The following SEMA3C variants were observed in gnomAD, a reference collection of about 807,000 sequenced individuals.
The protein encoded by SEMA3C is semaphorin-3C.
In SEMA3C, 47 loss-of-function variants were observed where a neutral mutation model predicts 89.4. That is an observed-to-expected ratio of 0.53 (90% CI 0.42 to 0.67). The LOEUF (loss-of-function observed/expected upper bound fraction) is 0.67, where lower values mean the gene tolerates loss of function less well. Among genes scored for constraint, SEMA3C ranks in the 30% least tolerant of loss-of-function variants. The probability of loss-of-function intolerance (pLI) is 0.00; values close to 1 mark genes in which losing one functional copy is unlikely to be tolerated. For synonymous variants in SEMA3C, 310 were observed against 320.2 expected, an observed-to-expected ratio of 0.97 and a Z score of 0.34; for missense variants, 839 against 929.1, an observed-to-expected ratio of 0.90 and a Z score of 1.26.
At chr7:80,906,815 T>C (rs1043516886) in intron 2 of SEMA3C, among the ~76,000 whole-genome samples, 25 of 152,282 alleles carry the variant, frequency 1.6e-4, no homozygotes, top group East Asian at 3.9e-4. Flanking sequence ...AAGCATTTCC[T>C]TTCACCTAAA....
chr7:80,920,453 G>T (rs544991866), upstream of SEMA3C, among the ~76,000 whole-genome samples: 1 of 152,282 alleles, frequency 6.6e-6, no homozygotes, highest in South Asian at 2.1e-4. Context: ...CAAAATCATT[G>T]TTCAGTGGGA....
At chr7:80,835,048 T>C (rs979041367) in intron 2 of SEMA3C, among the ~76,000 whole-genome samples, 1 of 152,086 alleles carries the variant, frequency 6.6e-6, no homozygotes, top group African/African-American at 2.4e-5. Context: ...CACAGTAGGG[T>C]AACTCATTCA....
In SEMA3C at chr7:80,918,928, C is replaced by A. The variant is rs905020039; in HGVS notation, c.-139G>T. On this transcript the variant is annotated 5_prime_UTR_variant, in exon 1 of 18. Transcript: ENST00000265361. ...TTTCCCAGACGACCTTATTTTCTAG[C>A]ACGTCGCAAAGGTGAAATTCTTTCT... is the stretch of plus-strand genomic sequence containing the variant. 2 of 985,346 alleles carry A rather than the reference C, an allele frequency of 2.0e-6. No homozygotes were observed. The highest frequency in any genetic ancestry group is 3.5e-5 in the African/African-American group (2 of 57,238). The allele number at this position is 985,346 out of a possible 1,614,324, so 61.0% of individuals were successfully genotyped here. A position where few individuals can be genotyped will look rare whatever the true frequency, so the allele number is the denominator to read the frequency against.
intron 2 of SEMA3C, chr7:80,915,592 A>G (rs1792250914): frequency 6.6e-6 from 1 of 152,350 alleles, no homozygotes; most frequent in Non-Finnish European, 1.5e-5. Context: ...AAATACAAAA[A>G]TTAGCTCGGT....
chr7:80,749,049 G>A (rs1472411838), intron 16 of SEMA3C, 21 bp from the exon 17 acceptor site: 2 of 1,581,394 alleles, frequency 1.3e-6, no homozygotes, highest in Non-Finnish European at 8.6e-7. Flanking sequence ...AAAATAAAAG[G>A]CGAGAGAGAA....
At chr7:80,759,559 T>C (rs1788138581) in intron 14 of SEMA3C, among the ~76,000 whole-genome samples, 1 of 152,164 alleles carries the variant, frequency 6.6e-6, no homozygotes, top group African/African-American at 2.4e-5. Context: ...GAAATAAATG[T>C]TGTAAGGTTT....
At chr7:80,800,475 G>GA (rs974385582) in intron 10 of SEMA3C, among the ~76,000 whole-genome samples, 1 of 151,928 alleles carries the variant, frequency 6.6e-6, no homozygotes, top group East Asian at 1.9e-4. Flanking sequence ...TTATTTTATT[G>GA]AAAAAATCAC....
At chr7:80,848,840 G>T (rs948103953) in intron 2 of SEMA3C, among the ~76,000 whole-genome samples, 1 of 151,886 alleles carries the variant, frequency 6.6e-6, no homozygotes, top group African/African-American at 2.4e-5. Flanking sequence ...CTATGTTTTC[G>T]TTTTATTTTT....
chr7:80,754,379 T>C (rs1351943981), intron 15 of SEMA3C, among the ~76,000 whole-genome samples: 2 of 152,202 alleles, frequency 1.3e-5, no homozygotes, highest in Non-Finnish European at 2.9e-5. Context: ...GTTTTTTGCT[T>C]TTTATTTCTA....
chr7:80,776,222 C>T (rs1272082056), intron 12 of SEMA3C, among the ~76,000 whole-genome samples: 1 of 151,098 alleles, frequency 6.6e-6, no homozygotes, highest in Non-Finnish European at 1.5e-5. Flanking sequence ...ATAACAATTG[C>T]TCATTAACAG....
At chr7:80,832,969 T>C (rs1790041283) in intron 2 of SEMA3C, among the ~76,000 whole-genome samples, 1 of 152,160 alleles carries the variant, frequency 6.6e-6, no homozygotes, top group African/African-American at 2.4e-5. Flanking sequence ...GAAAGTTTAG[T>C]TTTGATGTTT....
At chr7:80,755,277 A>C (rs1788039961) in intron 15 of SEMA3C, among the ~76,000 whole-genome samples, 1 of 151,346 alleles carries the variant, frequency 6.6e-6, no homozygotes, top group African/African-American at 2.4e-5. Context: ...ATTTAAGCAC[A>C]CATCTTAGAA....
intron 2 of SEMA3C, among the ~76,000 whole-genome samples, chr7:80,886,560 G>A (rs760560476): frequency 6.6e-6 from 1 of 151,942 alleles, no homozygotes; most frequent in East Asian, 1.9e-4. Context: ...CACCATGTTG[G>A]TCAGGCTGGT....
intron 15 of SEMA3C, among the ~76,000 whole-genome samples, chr7:80,756,138 C>A (rs978659927): frequency 1.3e-5 from 2 of 152,172 alleles, no homozygotes; most frequent in African/African-American, 2.4e-5. Flanking sequence ...AGATACCATT[C>A]ATGTAACATC....
intron 2 of SEMA3C, among the ~76,000 whole-genome samples, chr7:80,876,511 T>G (rs1791207094): frequency 6.6e-6 from 1 of 152,154 alleles, no homozygotes; most frequent in Non-Finnish European, 1.5e-5. Flanking sequence ...ATTCGCCCCA[T>G]CTATCAATTG....
At chr7:80,812,944 G>A (rs1335072115) in intron 5 of SEMA3C, among the ~76,000 whole-genome samples, 1 of 148,694 alleles carries the variant, frequency 6.7e-6, no homozygotes, top group Non-Finnish European at 1.5e-5. Flanking sequence ...GCACCACCAC[G>A]CCTGGCTATT....
chr7:80,878,841 AT>A (rs1293393210), intron 2 of SEMA3C, among the ~76,000 whole-genome samples: 5 of 152,188 alleles, frequency 3.3e-5, no homozygotes, highest in African/African-American at 1.2e-4. Context: ...AGACACTGAT[AT>A]TTAAGAAGAT....
chr7:80,891,466 T>C (rs886815133), intron 2 of SEMA3C, among the ~76,000 whole-genome samples: 1 of 151,838 alleles, frequency 6.6e-6, no homozygotes, highest in African/African-American at 2.4e-5. Flanking sequence ...ACTTTATCCA[T>C]CATAAAATTC....
At chr7:80,806,537 T>A (rs1789346283) in intron 6 of SEMA3C, among the ~76,000 whole-genome samples, 1 of 152,182 alleles carries the variant, frequency 6.6e-6, no homozygotes, top group Non-Finnish European at 1.5e-5. Flanking sequence ...AAAAGATACT[T>A]AAAATTAAAT....
Sources: allele counts gnomAD v4.1 joint callset (sites outside exome capture counted in the v4.1 genomes callset), GRCh38; gene constraint gnomAD v4.1.1; transcripts MANE v1.5; gene names NCBI Gene and HGNC (gene_info 2026-07-23, HGNC 2026-07-21).